Variants in DHRS12 observed in about 807,000 individuals in gnomAD.
DHRS12 encodes the protein dehydrogenase/reductase 12, also known as dehydrogenase/reductase SDR family member 12.
A neutral mutation model predicts 32.1 loss-of-function variants in DHRS12; 29 were observed. That is an observed-to-expected ratio of 0.90 (90% CI 0.67 to 1.23). DHRS12 has a LOEUF of 1.23. Ranked by LOEUF, DHRS12 falls within the 50% of genes most tolerant of loss-of-function variation. The probability of loss-of-function intolerance (pLI) is 0.00; values close to 1 mark genes in which losing one functional copy is unlikely to be tolerated. For synonymous variants in DHRS12, 150 were observed against 135.9 expected (o/e 1.10, Z -0.72); for missense variants, 330 against 337.2 (o/e 0.98, Z 0.17).
chr13:51,803,902 A>G (rs1184156682), intron 1 of DHRS12, 152 bp downstream of exon 1: 4 of 628,286 alleles, frequency 6.4e-6, no homozygotes, highest in African/African-American at 2.0e-5. Context: ...GTGGGTCGCT[A>G]GACGGCGGGC....
At position 51,790,030 on chromosome 13, in the gene DHRS12, GTTT is replaced by G. The variant is rs750983081; in HGVS notation, c.279_281del (p.Lys93del). On this transcript the variant is annotated inframe_deletion, in exon 4 of 9. Coordinates refer to ENST00000444610, the MANE Select transcript of DHRS12 (RefSeq NM_001377533.1). ...ACTTACCCAGAGTATTGGCAGCAAA[GTTT>G]TTTTCAAGTCCATCTTCTGTGAGCT... is the stretch of plus-strand genomic sequence containing the variant. 23 of 1,603,356 alleles carry G rather than the reference GTTT, an allele frequency of 1.4e-5. No individual in the cohort carries two copies. The highest frequency in any genetic ancestry group is 1.7e-4 in the Middle Eastern group (1 of 6,024).
intron 4 of DHRS12, among the ~76,000 whole-genome samples, chr13:51,777,902 A>G (rs948939861): frequency 3.9e-5 from 6 of 152,220 alleles, no homozygotes; most frequent in African/African-American, 1.4e-4. Context: ...CTGTGTTTAC[A>G]AAAAAGGGAG....
chr13:51,767,960 G>A, downstream of DHRS12: 4 of 1,340,290 alleles, frequency 3.0e-6, no homozygotes, highest in Non-Finnish European at 3.8e-6. Context: ...GAATAAATGA[G>A]ACTTAAAATA....
intron 3 of DHRS12, among the ~76,000 whole-genome samples, chr13:51,790,527 T>C (rs972160130): frequency 5.9e-5 from 9 of 152,186 alleles, no homozygotes; most frequent in African/African-American, 1.7e-4. Flanking sequence ...TGAGATGGCA[T>C]AGATAATTTT....
chr13:51,786,777 G>A (rs545028141), intron 4 of DHRS12, among the ~76,000 whole-genome samples: 10 of 152,280 alleles, frequency 6.6e-5, no homozygotes, highest in African/African-American at 1.4e-4. Context: ...TGAGGTTTAC[G>A]CTCTCCTCAG....
chr13:51,791,799 T>C (rs1348209539), intron 2 of DHRS12, among the ~76,000 whole-genome samples: 1 of 152,220 alleles, frequency 6.6e-6, no homozygotes, highest in African/African-American at 2.4e-5. Flanking sequence ...TTCCACTCTT[T>C]GGTTCTATGA....
chr13:51,770,863 T>C (rs192408605), intron 7 of DHRS12: 40 of 1,113,938 alleles, frequency 3.6e-5, no homozygotes, highest in East Asian at 3.2e-4. Context: ...TCTTCAGCCC[T>C]GAACAGATTT....
intron 4 of DHRS12, among the ~76,000 whole-genome samples, chr13:51,788,964 C>T (rs1350600330): frequency 1.3e-5 from 2 of 152,108 alleles, no homozygotes; most frequent in Admixed American, 6.5e-5. Flanking sequence ...GAAGGGGAGT[C>T]CCCGGTGACC....
At chr13:51,757,699 A>T in the DHRS12 span, among the ~76,000 whole-genome samples, 10 of 152,086 alleles carry the variant, frequency 6.6e-5, no homozygotes, top group African/African-American at 1.2e-4. Flanking sequence ...TTTGCTTGTT[A>T]CAGCTTTAGA....
At chr13:51,785,918 C>T (rs887922276) in intron 4 of DHRS12, among the ~76,000 whole-genome samples, 3 of 152,194 alleles carry the variant, frequency 2.0e-5, no homozygotes, top group African/African-American at 7.2e-5. Flanking sequence ...TTTGTAAAAT[C>T]TGTAAAATGG....
chr13:51,771,676 C>A, intron 7 of DHRS12, 145 bp downstream of exon 7: 1 of 1,326,240 alleles, frequency 7.5e-7, no homozygotes, highest in Non-Finnish European at 1.1e-6. Context: ...AGTCCCAACG[C>A]GCCCCTGCCT....
the DHRS12 span, among the ~76,000 whole-genome samples, chr13:51,754,901 G>A: frequency 6.6e-6 from 1 of 152,048 alleles, no homozygotes; most frequent in South Asian, 2.1e-4. Flanking sequence ...AATTTTAATG[G>A]TAATAAGCTG....
intron 1 of DHRS12, 72 bp from the exon 2 acceptor site, chr13:51,799,739 T>G: frequency 1.3e-6 from 2 of 1,557,888 alleles, no homozygotes; most frequent in Non-Finnish European, 1.7e-6. Flanking sequence ...GGAGAAAGCC[T>G]AATTCTAGGA....
intron 4 of DHRS12, among the ~76,000 whole-genome samples, chr13:51,787,784 T>TATATTA: frequency 1.0e-4 from 2 of 19,452 alleles, no homozygotes; most frequent in South Asian, 1.8e-3. Context: ...ATATATAATT[T>TATATTA]ATAATATATT....
chr13:51,759,097 C>G, the DHRS12 span, among the ~76,000 whole-genome samples: 2 of 152,180 alleles, frequency 1.3e-5, no homozygotes, highest in Non-Finnish European at 2.9e-5. Flanking sequence ...GCAAGAATTA[C>G]TTGAGCCCAG....
At chr13:51,795,161 C>T (rs1458097793) in intron 2 of DHRS12, among the ~76,000 whole-genome samples, 1 of 152,152 alleles carries the variant, frequency 6.6e-6, no homozygotes, top group Non-Finnish European at 1.5e-5. Flanking sequence ...AGCTGGCCTG[C>T]CGCACACCTC....
Position 51,771,892 on chromosome 13 carries a change from G to A in DHRS12, c.488C>T (p.Thr163Met), listed in dbSNP as rs770742019. The A allele has an allele frequency of 1.3e-5, 21 of 1,614,106 alleles. No homozygotes were observed. Among genetic ancestry groups the A allele is most frequent in the South Asian group, 2.2e-5 (2 of 91,082 alleles). ...CGGGTGCCCTTGGGCCCACCGCTCCGTCAGAACCACTTGCTGCCTCTGGAC... is the reference window on the plus strand; with the variant it reads ...CGGGTGCCCTTGGGCCCACCGCTCCATCAGAACCACTTGCTGCCTCTGGAC... ...AQNKRQQVVL[T>M]ERWAQGHPAI... Residue 163 changes from threonine to methionine, a missense_variant, in exon 7 of 9, where the codon ACG becomes ATG. By Grantham distance (81) the Thr-to-Met change is moderately conservative. Coordinates refer to ENST00000444610, the MANE Select transcript of DHRS12 (RefSeq NM_001377533.1).
chr13:51,774,266 A>G (rs1954213688), intron 5 of DHRS12: 1 of 393,842 alleles, frequency 2.5e-6, no homozygotes, highest in African/African-American at 2.6e-5. Flanking sequence ...GTATTCTCCT[A>G]CAGTATTCTC....
At chr13:51,756,552 G>A in the DHRS12 span, 1 of 1,487,360 alleles carries the variant, frequency 6.7e-7, no homozygotes, top group South Asian at 1.4e-5. Flanking sequence ...CACTCAGGTT[G>A]CTCTAGTTTC....
Sources: allele counts gnomAD v4.1 joint callset (sites outside exome capture counted in the v4.1 genomes callset), GRCh38; gene constraint gnomAD v4.1.1; transcripts MANE v1.5; gene names NCBI Gene and HGNC (gene_info 2026-07-23, HGNC 2026-07-21).